SHISA6: variants seen among roughly 807,000 people sequenced by gnomAD.
SHISA6 encodes the protein protein shisa-6.
SHISA6 carries 22 observed loss-of-function variants against 47.9 expected under a neutral mutation model. The observed-to-expected ratio is 0.46, with a 90% CI of 0.33 to 0.66. The LOEUF is 0.66. SHISA6 is among the 30% of genes least tolerant of loss of function. SHISA6 has a pLI of 0.02. For synonymous variants in SHISA6, 388 were observed against 337.8 expected, an observed-to-expected ratio of 1.15 and a Z score of -1.63; for missense variants, 680 against 764.6, an observed-to-expected ratio of 0.89 and a Z score of 1.30.
At chr17:11,464,541 A>G (rs1043178356) in intron 3 of SHISA6, among the ~76,000 whole-genome samples, 16 of 152,212 alleles carry the variant, frequency 1.1e-4, no homozygotes, top group Non-Finnish European at 1.5e-5. Flanking sequence ...ACCCACGTCC[A>G]TGAAATGAAT....
At chr17:11,334,854 A>T (rs1230527085) in intron 2 of SHISA6, among the ~76,000 whole-genome samples, 2 of 152,182 alleles carry the variant, frequency 1.3e-5, no homozygotes, top group Non-Finnish European at 2.9e-5. Flanking sequence ...CTGCAGTATC[A>T]TGTAGCTTGT....
chr17:11,417,206 T>G (rs904708594), intron 3 of SHISA6, among the ~76,000 whole-genome samples: 2 of 150,906 alleles, frequency 1.3e-5, no homozygotes, highest in African/African-American at 4.9e-5. Context: ...CACCAGAGTC[T>G]AAAATGAGGG....
At chr17:11,329,786 T>C (rs1911032848) in intron 2 of SHISA6, among the ~76,000 whole-genome samples, 1 of 151,946 alleles carries the variant, frequency 6.6e-6, no homozygotes, top group Non-Finnish European at 1.5e-5. Context: ...CATTGTAGGG[T>C]AAAGAAAATC....
In SHISA6 at chr17:11,504,303, G is replaced by A. The variant is rs186939311; in HGVS notation, c.896-47593G>A. Among the ~76,000 whole-genome samples the A allele has an allele frequency of 3.9e-5, 6 of 152,216 alleles. No homozygotes were observed. The East Asian group carries it at 7.7e-4, about 20-fold the overall frequency. On this transcript the variant is annotated intron_variant, in intron 3 of 5. Transcript: ENST00000441885. Reference sequence around the variant, plus strand: ...CTTAGTGGACTGTTTGTTAGTATCCGTGAAAGCTCCATGGCCCCAATCTTT... The same window carrying A: ...CTTAGTGGACTGTTTGTTAGTATCCATGAAAGCTCCATGGCCCCAATCTTT...
At chr17:11,284,175 T>C (rs1236031115) in intron 2 of SHISA6, among the ~76,000 whole-genome samples, 1 of 152,134 alleles carries the variant, frequency 6.6e-6, no homozygotes, top group Non-Finnish European at 1.5e-5. Flanking sequence ...TCATTTGGGA[T>C]TATGTTCAAC....
At position 11,558,433 on chromosome 17, in the gene SHISA6, C is replaced by T; in HGVS notation, c.*129C>T. ...CCCTCTGTAGGAAGTGGGGGTGGGC[C>T]ACCTTTGCCCAAAAAGCCATACCCC... On this transcript the variant is annotated 3_prime_UTR_variant, in exon 6 of 6. Coordinates refer to ENST00000441885, the MANE Select transcript of SHISA6 (RefSeq NM_207386.4). The T allele has an allele frequency of 9.2e-7, 1 of 1,091,836 alleles. No homozygotes were observed. Among genetic ancestry groups the T allele is most frequent in the Non-Finnish European group, 1.3e-6 (1 of 780,502 alleles). The allele number at this position is 1,091,836 out of a possible 1,614,324, so 67.6% of individuals were successfully genotyped here.
intron 1 of SHISA6, among the ~76,000 whole-genome samples, chr17:11,254,243 T>G (rs1212756001): frequency 6.6e-6 from 1 of 152,158 alleles, no homozygotes; most frequent in Non-Finnish European, 1.5e-5. Flanking sequence ...TCACTTTCTG[T>G]CTTGATGACC....
At chr17:11,395,105 G>A (rs1167879982) in intron 3 of SHISA6, among the ~76,000 whole-genome samples, 14 of 146,244 alleles carry the variant, frequency 9.6e-5, no homozygotes, top group South Asian at 2.2e-4. Flanking sequence ...GGATTCACAC[G>A]ATGGCCCTTT....
chr17:11,313,891 A>G (rs1910417684), intron 2 of SHISA6, among the ~76,000 whole-genome samples: 1 of 152,150 alleles, frequency 6.6e-6, no homozygotes, highest in Non-Finnish European at 1.5e-5. Flanking sequence ...CCGGCCACTG[A>G]AGGTTTTTAG....
intron 2 of SHISA6, among the ~76,000 whole-genome samples, chr17:11,310,905 G>A (rs1306386535): frequency 1.3e-5 from 2 of 151,914 alleles, no homozygotes; most frequent in African/African-American, 4.8e-5. Context: ...TCAGGAGATC[G>A]AGACCATCCT....
At chr17:11,457,740 CAA>C (rs56835775) in intron 3 of SHISA6, among the ~76,000 whole-genome samples, 3,037 of 101,828 alleles carry the variant, frequency 0.03, 122 homozygotes, top group African/African-American at 0.097. Flanking sequence ...GACTCAGTCT[CAA>C]AAAAAAAAAA....
At chr17:11,510,622 G>A (rs2071533903) in intron 3 of SHISA6, among the ~76,000 whole-genome samples, 1 of 152,162 alleles carries the variant, frequency 6.6e-6, no homozygotes, top group Admixed American at 6.5e-5. Flanking sequence ...GCCCTAATGT[G>A]GCAGTCTTTT....
intron 2 of SHISA6, among the ~76,000 whole-genome samples, chr17:11,346,523 A>G (rs1911704083): frequency 1.3e-5 from 2 of 152,186 alleles, no homozygotes; most frequent in Non-Finnish European, 2.9e-5. Flanking sequence ...GAAAATTTGA[A>G]TCTGTTTGAG....
At chr17:11,322,088 A>G (rs549051555) in intron 2 of SHISA6, among the ~76,000 whole-genome samples, 3 of 152,286 alleles carry the variant, frequency 2.0e-5, no homozygotes, top group African/African-American at 7.2e-5. Context: ...ATCAGTATCT[A>G]CCATTACTAT....
intron 2 of SHISA6, among the ~76,000 whole-genome samples, chr17:11,271,944 C>G (rs895965759): frequency 1.3e-5 from 2 of 152,092 alleles, no homozygotes; most frequent in African/African-American, 2.4e-5. Context: ...TTCACCCTCA[C>G]GTAGGATGAG....
Position 11,242,034 on chromosome 17 carries a change from C to T in SHISA6, c.612C>T (p.Arg204=). The change falls in exon 1 of 6, where the codon CGC becomes CGT. Residue 204 remains arginine, a synonymous_variant. Transcript: ENST00000441885. ...FAKVSYDKAH[R]PPREMNIHRA... is the part of the protein sequence containing the mutation. Reference sequence around the variant, plus strand: ...AGGTCTCCTACGACAAGGCCCACCGCCCTCCACGGGAGATGAACATCCACA... The same window carrying T: ...AGGTCTCCTACGACAAGGCCCACCGTCCTCCACGGGAGATGAACATCCACA... The T allele has an allele frequency of 6.4e-7, 1 of 1,550,850 alleles. No homozygotes were observed. The highest frequency in any genetic ancestry group is 1.4e-5 in the African/African-American group (1 of 73,180).
chr17:11,347,787 G>C (rs925684227), intron 2 of SHISA6, among the ~76,000 whole-genome samples: 1 of 152,202 alleles, frequency 6.6e-6, no homozygotes, highest in Admixed American at 6.5e-5. Flanking sequence ...ATCTAGGGGT[G>C]AGAGTGGTGC....
chr17:11,441,988 G>A (rs1250540173), intron 3 of SHISA6, among the ~76,000 whole-genome samples: 1 of 152,132 alleles, frequency 6.6e-6, no homozygotes, highest in Non-Finnish European at 1.5e-5. Flanking sequence ...GGTAGCCATG[G>A]GCAAAGCCAG....
chr17:11,468,177 C>G (rs1915856143), intron 3 of SHISA6, among the ~76,000 whole-genome samples: 1 of 151,968 alleles, frequency 6.6e-6, no homozygotes, highest in Non-Finnish European at 1.5e-5. Flanking sequence ...CATTCCACCC[C>G]CCAGGCCAAC....
Sources: allele counts gnomAD v4.1 joint callset (sites outside exome capture counted in the v4.1 genomes callset), GRCh38; gene constraint gnomAD v4.1.1; transcripts MANE v1.5; gene names NCBI Gene and HGNC (gene_info 2026-07-23, HGNC 2026-07-21).